Variants in PAPPA2 observed in about 807,000 individuals in gnomAD.
PAPPA2 encodes the protein pappalysin 2, also known as pappalysin-2.
A neutral mutation model predicts 176.4 loss-of-function variants in PAPPA2; 86 were observed. That is an observed-to-expected ratio of 0.49 (90% CI 0.41 to 0.58). The LOEUF is 0.58. Among genes scored for constraint, PAPPA2 ranks in the 20% least tolerant of loss-of-function variants. The pLI is 0.00. For missense variants in PAPPA2, 2,073 were observed against 2,256.9 expected (o/e 0.92, Z 1.65); for synonymous variants, 809 against 852.2 (o/e 0.95, Z 0.88).
intron 2 of PAPPA2, among the ~76,000 whole-genome samples, chr1:176,584,719 G>A (rs1194966985): frequency 1.3e-5 from 1 of 76,850 alleles, no homozygotes; most frequent in Non-Finnish European, 2.7e-5. Context: ...GCAGTGATAA[G>A]GTTTGTTTCT....
intron 14 of PAPPA2, among the ~76,000 whole-genome samples, chr1:176,753,354 G>A (rs896970666): frequency 6.6e-6 from 1 of 151,980 alleles, no homozygotes; most frequent in Non-Finnish European, 1.5e-5. Flanking sequence ...ATTTTTCCCT[G>A]GAACCCTCAT....
At chr1:176,672,360 T>C (rs1659056817) in intron 4 of PAPPA2, among the ~76,000 whole-genome samples, 1 of 152,126 alleles carries the variant, frequency 6.6e-6, no homozygotes, top group South Asian at 2.1e-4. Context: ...TTTTAAAAGG[T>C]ACTGCAAAGT....
intron 14 of PAPPA2, among the ~76,000 whole-genome samples, chr1:176,746,206 T>C (rs962206920): frequency 1.3e-5 from 2 of 152,134 alleles, no homozygotes; most frequent in Non-Finnish European, 2.9e-5. Flanking sequence ...ACATGCTAGC[T>C]GGTAAAGAGA....
chr1:176,801,537 T>C (rs914076014), intron 21 of PAPPA2, among the ~76,000 whole-genome samples: 2 of 152,066 alleles, frequency 1.3e-5, no homozygotes, highest in Non-Finnish European at 2.9e-5. Context: ...TGTTATGGTG[T>C]GGGCCAACAA....
chr1:176,819,859 T>TAA (rs1261050789), intron 21 of PAPPA2, among the ~76,000 whole-genome samples: 3 of 152,196 alleles, frequency 2.0e-5, no homozygotes, highest in Non-Finnish European at 4.4e-5. Flanking sequence ...TGGAACTAGT[T>TAA]TTTGCATCTC....
At chr1:176,759,430 A>T (rs1663589862) in intron 14 of PAPPA2, among the ~76,000 whole-genome samples, 1 of 152,018 alleles carries the variant, frequency 6.6e-6, no homozygotes, top group African/African-American at 2.4e-5. Context: ...ACCGTTCCCC[A>T]CCTCCATCAC....
chr1:176,510,217 A>G (rs531954695), intron 1 of PAPPA2, among the ~76,000 whole-genome samples: 1 of 151,366 alleles, frequency 6.6e-6, no homozygotes, highest in Non-Finnish European at 1.5e-5. Context: ...AACTGATAGT[A>G]TAAAGAAAAT....
At chr1:176,641,441 T>C (rs1657083960) in intron 3 of PAPPA2, among the ~76,000 whole-genome samples, 1 of 150,918 alleles carries the variant, frequency 6.6e-6, no homozygotes, top group East Asian at 2.0e-4. Context: ...ATTTATTAAA[T>C]AGGGAATCCT....
In PAPPA2 at chr1:176,813,748, C is replaced by T. The variant is rs1314235162; in HGVS notation, c.5202+13616C>T. On this transcript the variant is annotated intron_variant, in intron 21 of 22. Transcript: ENST00000367662. ...CAATTCTGTAGGTTGTCTGTTGACTCTGATGATAGTATCTTTTGCTGTGCA... is the reference window on the plus strand; with the variant it reads ...CAATTCTGTAGGTTGTCTGTTGACTTTGATGATAGTATCTTTTGCTGTGCA... Among the ~76,000 whole-genome samples, 4 of 152,280 alleles carry T rather than the reference C, an allele frequency of 2.6e-5. No homozygotes were observed. The South Asian group carries it at 6.2e-4, about 24-fold the overall frequency.
At chr1:176,631,072 A>T (rs911597610) in intron 3 of PAPPA2, among the ~76,000 whole-genome samples, 1 of 152,226 alleles carries the variant, frequency 6.6e-6, no homozygotes, top group Non-Finnish European at 1.5e-5. Context: ...TGCTTCGACG[A>T]AACTGGAAAA....
At chr1:176,673,760 T>C (rs1659142651) in intron 4 of PAPPA2, among the ~76,000 whole-genome samples, 1 of 152,154 alleles carries the variant, frequency 6.6e-6, no homozygotes, top group African/African-American at 2.4e-5. Context: ...AACAAGGACA[T>C]GAGGAGTCCA....
intron 18 of PAPPA2, among the ~76,000 whole-genome samples, chr1:176,790,935 A>G (rs993733327): frequency 2.4e-4 from 37 of 152,200 alleles, no homozygotes; most frequent in Non-Finnish European, 1.0e-4. Flanking sequence ...GTTTCACTGG[A>G]TGAAACTCGT....
chr1:176,482,958 A>G (rs757110175), intron 1 of PAPPA2, among the ~76,000 whole-genome samples: 16 of 152,188 alleles, frequency 1.1e-4, no homozygotes, highest in Non-Finnish European at 2.4e-4. Flanking sequence ...AAGGAAAATC[A>G]GAGCTCTAGT....
At chr1:176,653,237 C>T (rs1384006892) in intron 3 of PAPPA2, among the ~76,000 whole-genome samples, 1 of 151,714 alleles carries the variant, frequency 6.6e-6, no homozygotes, top group African/African-American at 2.4e-5. Context: ...GATCTCCATA[C>T]TCATCATCTC....
intron 2 of PAPPA2, among the ~76,000 whole-genome samples, chr1:176,571,914 G>A (rs1652362463): frequency 6.6e-6 from 1 of 152,140 alleles, no homozygotes; most frequent in South Asian, 2.1e-4. Flanking sequence ...CATACTCAGG[G>A]TATGGGATAG....
chr1:176,538,718 TC>T (rs778146582), intron 1 of PAPPA2, among the ~76,000 whole-genome samples: 143 of 152,264 alleles, frequency 9.4e-4, no homozygotes, highest in Non-Finnish European at 3.7e-4. Flanking sequence ...TCAGGCAATC[TC>T]CTTTAAAAGT....
chr1:176,829,599 C>A (rs746995090), intron 21 of PAPPA2, among the ~76,000 whole-genome samples: 5 of 152,214 alleles, frequency 3.3e-5, no homozygotes, highest in Admixed American at 6.5e-5. Flanking sequence ...GATCAAAGTC[C>A]AAACAGGACC....
At chr1:176,815,253 C>T (rs948103832) in intron 21 of PAPPA2, among the ~76,000 whole-genome samples, 4 of 152,096 alleles carry the variant, frequency 2.6e-5, no homozygotes, top group Non-Finnish European at 5.9e-5. Context: ...ATGCACACTT[C>T]AATTCCTGAC....
chr1:176,695,953 G>T, intron 7 of PAPPA2, 94 bp downstream of exon 7: 2 of 1,371,468 alleles, frequency 1.5e-6, no homozygotes, highest in African/African-American at 1.5e-5. Flanking sequence ...TGACAAAAAG[G>T]CAATGTATGT....
Sources: allele counts gnomAD v4.1 joint callset (sites outside exome capture counted in the v4.1 genomes callset), GRCh38; gene constraint gnomAD v4.1.1; transcripts MANE v1.5; gene names NCBI Gene and HGNC (gene_info 2026-07-23, HGNC 2026-07-21).